Variants in POLK observed in about 807,000 individuals in gnomAD.
The protein encoded by POLK is polymerase (DNA directed) kappa.
A neutral mutation model predicts 94.0 loss-of-function variants in POLK; 76 were observed. The ratio of observed to expected loss-of-function variants is 0.81; its 90% confidence interval spans 0.67 to 0.98. The LOEUF is 0.98. Among genes scored for constraint, POLK ranks in the 50% least tolerant of loss-of-function variants. POLK has a pLI of 0.00. For synonymous variants in POLK, 349 were observed against 325.4 expected, an observed-to-expected ratio of 1.07 and a Z score of -0.78; for missense variants, 954 against 1,010.1, an observed-to-expected ratio of 0.94 and a Z score of 0.75.
chr5:75,559,564 C>G (rs1262955101), intron 3 of POLK, among the ~76,000 whole-genome samples: 2 of 107,872 alleles, frequency 1.9e-5, no homozygotes, highest in Non-Finnish European at 3.4e-5. Context: ...GACAGGGTCT[C>G]TCTCTGTCAC....
chr5:75,590,558 A>C (rs1772732495), intron 11 of POLK, 118 bp downstream of exon 11: 1 of 666,596 alleles, frequency 1.5e-6, no homozygotes, highest in African/African-American at 1.8e-5. Context: ...AATAAACGTC[A>C]GAATAGTGTA....
At chr5:75,599,172 A>G (rs1339846848) in exon 15 of POLK, 9 of 152,038 alleles carry the variant, frequency 5.9e-5, no homozygotes, top group Non-Finnish European at 1.3e-4. Context: ...GAACTACTTG[A>G]ACCTGGGAGG....
At chr5:75,583,221 T>C in intron 7 of POLK, 72 bp from the exon 8 acceptor site, 1 of 1,141,312 alleles carries the variant, frequency 8.8e-7, no homozygotes, top group Admixed American at 2.7e-5. Flanking sequence ...TTTTTTTTTC[T>C]GTTTTGTTAT....
At chr5:75,580,936 C>G (rs1360838608) in intron 6 of POLK, among the ~76,000 whole-genome samples, 1 of 148,650 alleles carries the variant, frequency 6.7e-6, no homozygotes, top group Non-Finnish European at 1.5e-5. Context: ...AATTTAGGTA[C>G]GAACATTAGT....
intron 1 of POLK, among the ~76,000 whole-genome samples, chr5:75,529,694 G>C (rs539201434): frequency 2.0e-5 from 3 of 152,080 alleles, no homozygotes; most frequent in Admixed American, 2.0e-4. Flanking sequence ...GGAACCCATG[G>C]ATATGAAAGG....
In POLK at chr5:75,559,523, G is replaced by GTTTTTTTTTT. The variant is rs775525619; in HGVS notation, c.255+6950_255+6959dup. Among the ~76,000 whole-genome samples, 167 of 54,650 alleles carry GTTTTTTTTTT rather than the reference G, an allele frequency of 3.1e-3. 1 individual carries two copies. The highest frequency in any genetic ancestry group is 4.2e-3 in the Non-Finnish European group (122 of 29,102). The allele number at this position is 54,650 out of a possible 152,430, so 35.9% of individuals were successfully genotyped here. ...GGGGTTTGTTTTTTTGTTTTGTTTT[G>GTTTTTTTTTT]TTTTTTTTTTTTTTTTTTTTTTTTT... On this transcript the variant is annotated intron_variant, in intron 3 of 14. Transcript: ENST00000241436.
At chr5:75,517,505 T>C (rs1422939625) in intron 1 of POLK, among the ~76,000 whole-genome samples, 1 of 152,248 alleles carries the variant, frequency 6.6e-6, no homozygotes, top group East Asian at 1.9e-4. Flanking sequence ...CCTGACACTT[T>C]ACTGAATTTG....
intron 7 of POLK, chr5:75,582,099 A>C: frequency 1.5e-5 from 15 of 986,704 alleles, no homozygotes; most frequent in Non-Finnish European, 1.8e-5. Flanking sequence ...ATTACATTGC[A>C]GGAGAGAACC....
chr5:75,541,368 G>A (rs1769732992), intron 1 of POLK, among the ~76,000 whole-genome samples: 1 of 152,056 alleles, frequency 6.6e-6, no homozygotes. Flanking sequence ...GACACTGTAG[G>A]TAATATGTTT....
intron 5 of POLK, among the ~76,000 whole-genome samples, chr5:75,575,189 C>T (rs1022107562): frequency 8.5e-5 from 13 of 152,074 alleles, no homozygotes; most frequent in Non-Finnish European, 1.5e-4. Context: ...AAAGCCCTCC[C>T]GTTTTTTTTG....
At chr5:75,580,355 G>T (rs1772131097) in intron 6 of POLK, among the ~76,000 whole-genome samples, 1 of 151,944 alleles carries the variant, frequency 6.6e-6, no homozygotes, top group Non-Finnish European at 1.5e-5. Flanking sequence ...ATTAAGCCAA[G>T]AAAACAGGCT....
intron 1 of POLK, among the ~76,000 whole-genome samples, chr5:75,542,375 CT>C (rs554018596): frequency 3.3e-4 from 50 of 151,892 alleles, no homozygotes; most frequent in Admixed American, 9.2e-4. Context: ...TCTCTTATTA[CT>C]TTTGGTATAT....
chr5:75,519,568 G>GATGCTTAGATATTAATTGTTAT (rs1387710221), intron 1 of POLK, among the ~76,000 whole-genome samples: 1 of 152,120 alleles, frequency 6.6e-6, no homozygotes, highest in African/African-American at 2.4e-5. Context: ...TCTGGTATTG[G>GATGCTTAGATATTAATTGTTAT]ATGCTTAGAT....
intron 1 of POLK, among the ~76,000 whole-genome samples, chr5:75,522,708 G>A (rs979912681): frequency 6.6e-6 from 1 of 151,800 alleles, no homozygotes; most frequent in South Asian, 2.1e-4. Context: ...TAATTCATGA[G>A]TAATGATTAA....
intron 3 of POLK, among the ~76,000 whole-genome samples, chr5:75,552,864 C>T (rs2112663821): frequency 6.6e-6 from 1 of 152,158 alleles, no homozygotes; most frequent in Admixed American, 6.6e-5. Flanking sequence ...CTTGATAGGA[C>T]AGGTAGTTAG....
At chr5:75,529,927 C>G (rs943193577) in intron 1 of POLK, among the ~76,000 whole-genome samples, 17 of 152,168 alleles carry the variant, frequency 1.1e-4, no homozygotes, top group Non-Finnish European at 5.9e-5. Context: ...ACTATCAGCA[C>G]AAATTTTGCA....
At chr5:75,573,546 G>T (rs1422018421) in intron 4 of POLK, among the ~76,000 whole-genome samples, 192 bp from the exon 5 acceptor site, 1 of 151,876 alleles carries the variant, frequency 6.6e-6, no homozygotes, top group East Asian at 1.9e-4. Context: ...ATGACCTTGA[G>T]TCATTAATAA....
chr5:75,511,129 A>C (rs1262018501), upstream of POLK: 2 of 1,597,204 alleles, frequency 1.3e-6, no homozygotes, highest in East Asian at 4.5e-5. Flanking sequence ...AGGACCCCGC[A>C]GCGCTCCACA....
At chr5:75,596,817 T>A in exon 13 of POLK, 3 of 1,610,976 alleles carry the variant, frequency 1.9e-6, no homozygotes, top group Non-Finnish European at 2.5e-6. Flanking sequence ...ATACTATAGA[T>A]AACTCATCTA....
Sources: allele counts gnomAD v4.1 joint callset (sites outside exome capture counted in the v4.1 genomes callset), GRCh38; gene constraint gnomAD v4.1.1; transcripts MANE v1.5; gene names NCBI Gene and HGNC (gene_info 2026-07-23, HGNC 2026-07-21).